KAT7: variants seen among roughly 807,000 people sequenced by gnomAD.
KAT7 encodes lysine acetyltransferase 7, also known as histone acetyltransferase KAT7.
Under a neutral mutation model 82.1 loss-of-function variants are expected in KAT7, and 10 were observed. That is an observed-to-expected ratio of 0.12 (90% CI 0.08 to 0.21). The LOEUF is 0.21. Among genes scored for constraint, KAT7 ranks in the 10% least tolerant of loss-of-function variants. The pLI is 1.00. For missense variants in KAT7, 378 were observed against 760.9 expected, an observed-to-expected ratio of 0.50 and a Z score of 5.92; for synonymous variants, 250 against 262.5, an observed-to-expected ratio of 0.95 and a Z score of 0.46.
At chr17:49,807,160 G>A (rs1288650820) in intron 5 of KAT7, among the ~76,000 whole-genome samples, 1 of 152,216 alleles carries the variant, frequency 6.6e-6, no homozygotes, top group Non-Finnish European at 1.5e-5. Flanking sequence ...AGGAGCTCAT[G>A]TTCTCACAGG....
intron 7 of KAT7, among the ~76,000 whole-genome samples, chr17:49,813,969 C>T (rs1177482227): frequency 6.6e-6 from 1 of 151,868 alleles, no homozygotes; most frequent in Non-Finnish European, 1.5e-5. Context: ...ACTGCAACCT[C>T]TGCCTCCTGG....
At chr17:49,800,402 C>G (rs764483540) in intron 4 of KAT7, among the ~76,000 whole-genome samples, 1 of 152,088 alleles carries the variant, frequency 6.6e-6, no homozygotes, top group East Asian at 1.9e-4. Context: ...AGTTGTCACT[C>G]GAAGATAATT....
intron 6 of KAT7, among the ~76,000 whole-genome samples, chr17:49,810,892 G>C (rs1248769484): frequency 6.6e-6 from 1 of 152,086 alleles, no homozygotes; most frequent in East Asian, 1.9e-4. Flanking sequence ...CCAGTTACAT[G>C]GAAGACTGAG....
chr17:49,823,578 AC>A lies in KAT7; in HGVS notation c.1480+284del, dbSNP rs1462804814. ...AGTTTGAGACTTTTAAACAGCACATACATGCATGAGGCTTAAAATCTGGTCC... is the reference window on the plus strand; with the variant it reads ...AGTTTGAGACTTTTAAACAGCACATAATGCATGAGGCTTAAAATCTGGTCC... On this transcript the variant is annotated intron_variant, in intron 12 of 14. Coordinates refer to ENST00000259021, the MANE Select transcript of KAT7 (RefSeq NM_007067.5). The A allele has an allele frequency of 1.3e-5, 4 of 311,670 alleles. No individual in the cohort carries two copies. The Admixed American group carries it at 1.4e-4, about 11-fold the overall frequency. The allele number at this position is 311,670 out of a possible 1,614,324, so 19.3% of individuals were successfully genotyped here. A position where few individuals can be genotyped will look rare whatever the true frequency, so the allele number is the denominator to read the frequency against.
intron 3 of KAT7, among the ~76,000 whole-genome samples, chr17:49,797,534 A>G (rs918305836): frequency 5.3e-5 from 8 of 152,180 alleles, no homozygotes; most frequent in African/African-American, 1.7e-4. Context: ...TTCTCAGTCC[A>G]TTTATCTCCA....
chr17:49,794,256 A>G (rs1482406738), intron 2 of KAT7, among the ~76,000 whole-genome samples: 2 of 152,162 alleles, frequency 1.3e-5, no homozygotes, highest in African/African-American at 4.8e-5. Flanking sequence ...TGGGACAGCC[A>G]ACTTAGGGCA....
intron 7 of KAT7, among the ~76,000 whole-genome samples, chr17:49,814,152 A>T (rs2074204691): frequency 6.6e-6 from 1 of 152,154 alleles, no homozygotes. Context: ...TCGGCCTCCC[A>T]AGGTGCTAGG....
At chr17:49,814,714 C>CT (rs367590081) in intron 7 of KAT7, among the ~76,000 whole-genome samples, 68 of 148,710 alleles carry the variant, frequency 4.6e-4, no homozygotes, top group South Asian at 6.4e-4. Flanking sequence ...TTTTTTCAAG[C>CT]TTTTTTTTTT....
intron 6 of KAT7, among the ~76,000 whole-genome samples, chr17:49,810,841 A>T (rs1265672160): frequency 6.6e-6 from 1 of 152,114 alleles, no homozygotes; most frequent in Non-Finnish European, 1.5e-5. Context: ...TGCCATATTC[A>T]TGAAAAATTT....
Position 49,832,874 on chromosome 17 carries a change from A to T in KAT7, c.*5372A>T, listed in dbSNP as rs1008406483. The T allele has an allele frequency of 9.9e-5, 15 of 152,250 alleles. No homozygotes were observed. Among genetic ancestry groups the T allele is most frequent in the African/African-American group, 3.6e-4 (15 of 41,454 alleles). 9.4% of individuals were successfully genotyped at this position (152,250 alleles called of 1,614,324 possible). On this transcript the variant is annotated 3_prime_UTR_variant, in exon 15 of 15. Transcript: ENST00000259021. ...GAAGCCACCCTTTGCTTTGCTGTTC[A>T]TTGGGATCATGGAATCGGACCTCAG...
At chr17:49,824,926 T>TA (rs939706249) in intron 12 of KAT7, among the ~76,000 whole-genome samples, 79 of 148,086 alleles carry the variant, frequency 5.3e-4, no homozygotes, top group African/African-American at 1.7e-3. Flanking sequence ...TATTACACCT[T>TA]AAAAAAAAAA....
At chr17:49,826,476 T>G (rs1364278469) in intron 13 of KAT7, 8 of 529,990 alleles carry the variant, frequency 1.5e-5, no homozygotes, top group Non-Finnish European at 2.4e-5. Context: ...TGATCCTGAT[T>G]TCTAAGGGGC....
chr17:49,821,215 C>A, intron 9 of KAT7, 122 bp from the exon 10 acceptor site: 1 of 654,978 alleles, frequency 1.5e-6, no homozygotes, highest in Non-Finnish European at 2.7e-6. Flanking sequence ...TGTATGTTCT[C>A]AGCTTGTCCA....
chr17:49,805,660 A>G lies in KAT7; in HGVS notation c.663+215A>G, dbSNP rs544970204. On this transcript the variant is annotated intron_variant, in intron 5 of 14. Transcript: ENST00000259021. ...AATATGTAATGAGTGCTTTGAGAGA[A>G]GTTAACAAGGAGATTATGAAACGTT... is the stretch of plus-strand genomic sequence containing the variant. Among the ~76,000 whole-genome samples, 4 of 152,360 alleles carry G rather than the reference A, an allele frequency of 2.6e-5. No individual in the cohort carries two copies. In the East Asian group the frequency reaches 7.7e-4, roughly 29 times the overall value.
chr17:49,833,771 C>G lies in KAT7; in HGVS notation c.*6269C>G, dbSNP rs1382874781. 1 of 152,222 alleles carries G rather than the reference C, an allele frequency of 6.6e-6. No homozygotes were observed. The highest frequency in any genetic ancestry group is 2.4e-5 in the African/African-American group (1 of 41,454). 9.4% of individuals were successfully genotyped at this position (152,222 alleles called of 1,614,324 possible). A position where few individuals can be genotyped will look rare whatever the true frequency, so the allele number is the denominator to read the frequency against. On this transcript the variant is annotated 3_prime_UTR_variant, in exon 15 of 15. Coordinates refer to ENST00000259021, the MANE Select transcript of KAT7 (RefSeq NM_007067.5). ...TGGTACCACATGACACTAAAGACATCTAGCTGAGTCCTGTTAACCCAGAGA... is the reference window on the plus strand; with the variant it reads ...TGGTACCACATGACACTAAAGACATGTAGCTGAGTCCTGTTAACCCAGAGA...
At chr17:49,825,912 A>C in intron 12 of KAT7, 88 bp from the exon 13 acceptor site, 1 of 1,397,362 alleles carries the variant, frequency 7.2e-7, no homozygotes, top group Non-Finnish European at 9.8e-7. Flanking sequence ...TGTGCTTCTT[A>C]AACCTTCTTC....
In KAT7 at chr17:49,808,453, C is replaced by CT. The variant is rs528916586; in HGVS notation, c.664-651dup. Among the ~76,000 whole-genome samples, 410 of 130,568 alleles carry CT rather than the reference C, an allele frequency of 3.1e-3. 1 individual carries two copies. The highest frequency in any genetic ancestry group is 7.4e-3 in the African/African-American group (264 of 35,712). 85.7% of individuals were successfully genotyped at this position (130,568 alleles called of 152,430 possible). A position where few individuals can be genotyped will look rare whatever the true frequency, so the allele number is the denominator to read the frequency against. On this transcript the variant is annotated intron_variant, in intron 5 of 14. Coordinates refer to ENST00000259021, the MANE Select transcript of KAT7 (RefSeq NM_007067.5). ...GTTTTCTTTCTTTCTTTCTTTCTTT[C>CT]TTTTTTTTTTTTTTTAAGACAGAGT...
intron 8 of KAT7, among the ~76,000 whole-genome samples, chr17:49,817,275 C>T (rs775221462): frequency 1.3e-5 from 2 of 151,900 alleles, no homozygotes; most frequent in Non-Finnish European, 2.9e-5. Context: ...CTGGTGAGGC[C>T]CAGAATGTGG....
At chr17:49,789,154 A>G (rs995931387) in intron 1 of KAT7, 4 of 274,378 alleles carry the variant, frequency 1.5e-5, no homozygotes, top group South Asian at 1.2e-4. Flanking sequence ...CTCAACGGTC[A>G]CCTCCCCGCG....
Sources: allele counts gnomAD v4.1 joint callset (sites outside exome capture counted in the v4.1 genomes callset), GRCh38; gene constraint gnomAD v4.1.1; transcripts MANE v1.5; gene names NCBI Gene and HGNC (gene_info 2026-07-23, HGNC 2026-07-21).